The following ASB16 variants were observed in gnomAD, a reference collection of about 807,000 sequenced individuals.
ASB16 encodes the protein ankyrin repeat and SOCS box containing 16, also known as ankyrin repeat and SOCS box protein 16.
ASB16 carries 44 observed loss-of-function variants against 39.1 expected under a neutral mutation model. That is an observed-to-expected ratio of 1.13 (90% CI 0.88 to 1.45). The LOEUF (loss-of-function observed/expected upper bound fraction) is 1.45, where lower values mean the gene tolerates loss of function less well. Among genes scored for constraint, ASB16 ranks in the 40% most tolerant of loss-of-function variants. The probability of loss-of-function intolerance (pLI) is 0.00; values close to 1 mark genes in which losing one functional copy is unlikely to be tolerated. For synonymous variants in ASB16, 305 were observed against 286.7 expected, an observed-to-expected ratio of 1.06 and a Z score of -0.64; for missense variants, 698 against 634.5, an observed-to-expected ratio of 1.10 and a Z score of -1.07.
In ASB16 at chr17:44,177,018, C is replaced by G. The variant is rs1355931762; in HGVS notation, c.850C>G (p.Arg284Gly). 4 of 1,489,474 alleles carry G rather than the reference C, an allele frequency of 2.7e-6. No homozygotes were observed. The highest frequency in any genetic ancestry group is 1.5e-5 in the African/African-American group (1 of 67,782). The allele number at this position is 1,489,474 out of a possible 1,614,324, so 92.3% of individuals were successfully genotyped here. A position where few individuals can be genotyped will look rare whatever the true frequency, so the allele number is the denominator to read the frequency against. Reference protein sequence around the residue: ...GADARAAGRKRHTPLHNACAN... With the variant: ...GADARAAGRKGHTPLHNACAN... ...TGATGCCCGGGCGGCCGGGCGCAAG[C>G]GCCACACGCCGCTGCACAACGCTTG... is the stretch of plus-strand genomic sequence containing the variant. The change falls in exon 3 of 5, where the codon CGC (arginine) becomes GGC (glycine). Residue 284 changes from arginine to glycine, a missense_variant. Transcript: ENST00000293414.
rs1190887093 is a variant in ASB16, at chr17:44,172,063, C to T, written c.319C>T (p.Pro107Ser). The T allele has an allele frequency of 6.2e-7, 1 of 1,612,296 alleles. No homozygotes were observed. Among genetic ancestry groups the T allele is most frequent in the African/African-American group, 1.3e-5 (1 of 74,870 alleles). Residue 107 changes from proline to serine, a missense_variant, in exon 2 of 5, where the codon CCC (proline) becomes TCC (serine). Physicochemically the swap from Pro to Ser is moderately conservative, Grantham distance 74. Transcript: ENST00000293414. ...SAEQGFWVLT[P>S]KTKQTAPLAI... ...CTCCCTAGGGTTCTGGGTGCTGACCCCCAAGACCAAGCAGACGGCACCCCT... is the reference window on the plus strand; with the variant it reads ...CTCCCTAGGGTTCTGGGTGCTGACCTCCAAGACCAAGCAGACGGCACCCCT...
At chr17:44,176,357 C>CAAA in intron 2 of ASB16, 2 of 191,150 alleles carry the variant, frequency 1.0e-5, no homozygotes, top group Non-Finnish European at 2.0e-5. Context: ...ACCCTGTCTC[C>CAAA]AAAAAAAAAA....
rs1373598778 is a variant in ASB16 at position 44,176,750 on chromosome 17, G to A, written c.582G>A (p.Leu194=). 4 of 1,614,016 alleles carry A rather than the reference G, an allele frequency of 2.5e-6. No homozygotes were observed. Among genetic ancestry groups the A allele is most frequent in the Non-Finnish European group, 3.4e-6 (4 of 1,179,934 alleles). Reference sequence around the variant, plus strand: ...CTCTTGTCCCCAGGTGCGCCAAGTTGCTGCTGGAAGCAGGAGCGACGGTGA... The same window carrying A: ...CTCTTGTCCCCAGGTGCGCCAAGTTACTGCTGGAAGCAGGAGCGACGGTGA... The part of the protein sequence containing the change: ...TIPESLQCAK[L]LLEAGATVNL... Residue 194 remains leucine (L), a synonymous_variant, in exon 3 of 5, where the codon TTG becomes TTA. Transcript: ENST00000293414.
In ASB16 at chr17:44,174,825, C is replaced by T. The variant is rs78626276; in HGVS notation, c.570-1913C>T. Among the ~76,000 whole-genome samples, 337 of 152,242 alleles carry T rather than the reference C, an allele frequency of 2.2e-3. 4 individuals carry two copies. The highest frequency in any genetic ancestry group is 0.019 in the East Asian group (98 of 5,176). ...TTAGTTAAATTTAGTATTTGGAAGCCGGGCGTGGTGACTAACACCTGTAAT... is the reference window on the plus strand; with the variant it reads ...TTAGTTAAATTTAGTATTTGGAAGCTGGGCGTGGTGACTAACACCTGTAAT... On this transcript the variant is annotated intron_variant, in intron 2 of 4. Transcript: ENST00000293414.
In ASB16 at chr17:44,177,694, T is replaced by C; in HGVS notation, c.1148T>C (p.Val383Ala). The C allele has an allele frequency of 6.2e-7, 1 of 1,613,792 alleles. No individual in the cohort carries two copies. The highest frequency in any genetic ancestry group is 8.5e-7 in the Non-Finnish European group (1 of 1,179,822). Residue 383 changes from valine (V) to alanine (A), a missense_variant, in exon 4 of 5, where the codon GTG becomes GCG. Val to Ala is a moderately conservative substitution (Grantham distance 64, BLOSUM62 0). Transcript: ENST00000293414. Reference sequence around the variant, plus strand: ...TGTGTCCCATCCTGTGAGACCTGGGTGGAGGCGGTGCTCCCAGAGCTGTGG... The same window carrying C: ...TGTGTCCCATCCTGTGAGACCTGGGCGGAGGCGGTGCTCCCAGAGCTGTGG... ...YPCVPSCETW[V>A]EAVLPELWKE...
In ASB16 at chr17:44,173,662, T is replaced by C. The variant is rs565349143; in HGVS notation, c.569+1349T>C. On this transcript the variant is annotated intron_variant, in intron 2 of 4. Transcript: ENST00000293414. ...GGGAAACATAGTGAGACCCTGTCTC[T>C]ACAAAAAATAAAATTAGCCGGGCAT... Among the ~76,000 whole-genome samples the C allele has an allele frequency of 1.2e-4, 18 of 152,160 alleles. No individual in the cohort carries two copies. The South Asian group carries it at 3.7e-3, about 32-fold the overall frequency.
Position 44,178,442 on chromosome 17 carries a change from G to A in ASB16, c.*52G>A, listed in dbSNP as rs369725603. The A allele has an allele frequency of 4.9e-4, 734 of 1,489,898 alleles. 7 individuals carry two copies. The highest frequency in any genetic ancestry group is 5.8e-5 in the Non-Finnish European group (64 of 1,106,664). 92.3% of individuals were successfully genotyped at this position (1,489,898 alleles called of 1,614,324 possible). On this transcript the variant is annotated 3_prime_UTR_variant, in exon 5 of 5. Transcript: ENST00000293414. ...TGTTCTGCCCCTCCCACCTGTCCCC[G>A]CCTCCAACTGCGGAGGACCAGTTCC...
rs76547321 is a variant in ASB16 at position 44,177,498 on chromosome 17, C to G, written c.1063-111C>G. On this transcript the variant is annotated intron_variant, in intron 3 of 4. Transcript: ENST00000293414. ...AGGCACAAAAAAGGGAAGAGAGACT[C>G]AGACCTTAGCCCCCCAGATTAGGCT... 3,007 of 1,383,172 alleles carry G rather than the reference C, an allele frequency of 2.2e-3. 51 individuals carry two copies. In the African/African-American group the frequency reaches 0.039, roughly 18 times the overall value. 85.7% of individuals were successfully genotyped at this position (1,383,172 alleles called of 1,614,324 possible).
In ASB16 at chr17:44,178,239, T is replaced by C. The variant is rs767971710; in HGVS notation, c.1211T>C (p.Met404Thr). ...GCCTTCTACAGCTCGGCCCTGTGCATGGTGAACCAGCCAAGGCAGCTGCAG... is the reference window on the plus strand; with the variant it reads ...GCCTTCTACAGCTCGGCCCTGTGCACGGTGAACCAGCCAAGGCAGCTGCAG... ...HEAFYSSALCMVNQPRQLQHL... is the reference protein window; with the variant it reads ...HEAFYSSALCTVNQPRQLQHL... The change falls in exon 5 of 5, where the codon ATG becomes ACG. Residue 404 changes from methionine to threonine, a missense_variant. By Grantham distance (81) the Met-to-Thr change is moderately conservative. Coordinates refer to ENST00000293414, the MANE Select transcript of ASB16 (RefSeq NM_080863.5). The C allele has an allele frequency of 3.1e-6, 5 of 1,613,550 alleles. No individual in the cohort carries two copies. The highest frequency in any genetic ancestry group is 2.2e-5 in the South Asian group (2 of 91,078).
chr17:44,176,843 T>A lies in ASB16; in HGVS notation c.675T>A (p.His225Gln). Residue 225 changes from histidine to glutamine, a missense_variant, in exon 3 of 5, where the codon CAT becomes CAA. His to Gln is a conservative substitution (Grantham distance 24, BLOSUM62 0). Transcript: ENST00000293414. ...HVAAARGLEQHVALYLEHGAD... is the reference protein window; with the variant it reads ...HVAAARGLEQQVALYLEHGAD... ...CGGCGGCGCGCGGCCTGGAGCAACA[T>A]GTGGCTCTGTACCTGGAGCATGGCG... 1 of 1,611,836 alleles carries A rather than the reference T, an allele frequency of 6.2e-7. No individual in the cohort carries two copies. The highest frequency in any genetic ancestry group is 1.1e-5 in the South Asian group (1 of 90,994).
chr17:44,177,586 CA>C (rs2054317392), intron 3 of ASB16, 22 bp from the exon 4 acceptor site: 1 of 1,610,338 alleles, frequency 6.2e-7, no homozygotes, highest in Non-Finnish European at 8.5e-7. Context: ...GGCATGTGCC[CA>C]AGACCCTCTT....
intron 2 of ASB16, among the ~76,000 whole-genome samples, chr17:44,173,114 C>T (rs565931746): frequency 2.1e-5 from 3 of 141,448 alleles, no homozygotes; most frequent in East Asian, 4.2e-4. Flanking sequence ...AAAAGCCGGG[C>T]GCCATGGCTC....
At position 44,178,815 on chromosome 17, in the gene ASB16, A is replaced by C. The variant is rs2054338203; in HGVS notation, c.*425A>C. 5 of 174,920 alleles carry C rather than the reference A, an allele frequency of 2.9e-5. No individual in the cohort carries two copies. The highest frequency in any genetic ancestry group is 1.1e-4 in the South Asian group (1 of 8,940). The allele number at this position is 174,920 out of a possible 1,614,324, so 10.8% of individuals were successfully genotyped here. ...TCCACGTGCTGTCCTGGTCCACCTCACTCCTCCATGGGCTTCTTGAGACAC... is the reference window on the plus strand; with the variant it reads ...TCCACGTGCTGTCCTGGTCCACCTCCCTCCTCCATGGGCTTCTTGAGACAC... On this transcript the variant is annotated 3_prime_UTR_variant, in exon 5 of 5. Transcript: ENST00000293414.
At position 44,170,899 on chromosome 17, in the gene ASB16, G is replaced by A. The variant is rs376996083; in HGVS notation, c.110G>A (p.Arg37Gln). 1.6e-4 allele frequency: 257 copies of A among 1,611,802 alleles called. No individual in the cohort carries two copies. Among genetic ancestry groups the A allele is most frequent in the Middle Eastern group, 3.6e-4 (2 of 5,554 alleles). ...DRRRAAAQQC[R>Q]SRRCPSSPRA... ...CGGCGGGCGGCTGCCCAGCAGTGCC[G>A]GAGCCGCAGGTGCCCGTCAAGTCCC... The change falls in exon 1 of 5, where the codon CGG becomes CAG. Residue 37 changes from arginine (R) to glutamine (Q), a missense_variant. Coordinates refer to ENST00000293414, the MANE Select transcript of ASB16 (RefSeq NM_080863.5).
chr17:44,176,601 GC>G, intron 2 of ASB16, 136 bp from the exon 3 acceptor site: 1 of 1,248,564 alleles, frequency 8.0e-7, no homozygotes, highest in South Asian at 1.2e-5. Flanking sequence ...CTGTAGCGGG[GC>G]TTGTATGATT....
In ASB16 at chr17:44,172,171, G is replaced by T. The variant is rs928383301; in HGVS notation, c.427G>T (p.Gly143Cys). ...AGCTGAGCTGGATGCCCGTGTCGGG[G>T]GTCGCGCTGCCTTGCATGAGGCCTG... ...QGAELDARVG[G>C]RAALHEACAR... The change falls in exon 2 of 5, where the codon GGT becomes TGT. Residue 143 changes from glycine (G) to cysteine (C), a missense_variant. Physicochemically the swap from Gly to Cys is radical, Grantham distance 159. Transcript: ENST00000293414. 14 of 1,612,402 alleles carry T rather than the reference G, an allele frequency of 8.7e-6. No individual in the cohort carries two copies. The African/African-American group carries it at 1.6e-4, about 18-fold the overall frequency.
At chr17:44,174,713 T>C (rs1312134751) in intron 2 of ASB16, among the ~76,000 whole-genome samples, 1 of 152,166 alleles carries the variant, frequency 6.6e-6, no homozygotes. Flanking sequence ...CTTACAGGCA[T>C]GTGGTGTGCC....
Position 44,178,273 on chromosome 17 carries a change from C to A in ASB16, c.1245C>A (p.Ala415=). The A allele has an allele frequency of 6.2e-7, 1 of 1,613,512 alleles. No individual in the cohort carries two copies. Residue 415 remains alanine, a synonymous_variant, in exon 5 of 5, where the codon GCC becomes GCA. Coordinates refer to ENST00000293414, the MANE Select transcript of ASB16 (RefSeq NM_080863.5). ...AGCCAAGGCAGCTGCAGCACCTGGC[C>A]CGACTAGCTGTGCGCGCTCGGTTGG... is the stretch of plus-strand genomic sequence containing the variant. ...VNQPRQLQHL[A]RLAVRARLGS...
At chr17:44,174,306 A>G (rs1022916635) in intron 2 of ASB16, among the ~76,000 whole-genome samples, 6 of 151,916 alleles carry the variant, frequency 3.9e-5, no homozygotes, top group African/African-American at 1.5e-4. Flanking sequence ...CGGCCTCCCA[A>G]AGTGCTGGGA....
Sources: gnomAD v4.1 joint callset for allele counts (sites outside exome capture counted in the v4.1 genomes callset) on GRCh38, gnomAD v4.1.1 for gene constraint, MANE v1.5 for transcripts, NCBI Gene and HGNC (gene_info 2026-07-23, HGNC 2026-07-21) for gene names.